The following KDM4C variants were observed in gnomAD, a reference collection of about 807,000 sequenced individuals.
The protein encoded by KDM4C is lysine-specific demethylase 4C.
In KDM4C, 81 loss-of-function variants were observed where a neutral mutation model predicts 129.3. The ratio of observed to expected loss-of-function variants is 0.63; its 90% confidence interval spans 0.52 to 0.75. The LOEUF (loss-of-function observed/expected upper bound fraction) is 0.75, where lower values mean the gene tolerates loss of function less well. Among genes scored for constraint, KDM4C ranks in the 30% least tolerant of loss-of-function variants. KDM4C has a pLI of 0.00. For synonymous variants in KDM4C, 573 were observed against 456.1 expected (o/e 1.26, Z -3.26); for missense variants, 1,457 against 1,304.0 (o/e 1.12, Z -1.81).
chr9:7,020,913 C>T (rs1586965215), intron 15 of KDM4C, among the ~76,000 whole-genome samples: 2 of 141,726 alleles, frequency 1.4e-5, no homozygotes, highest in African/African-American at 2.6e-5. Flanking sequence ...ATTCATTTTC[C>T]TTTTTTTTTT....
intron 4 of KDM4C, among the ~76,000 whole-genome samples, chr9:6,832,091 C>T (rs1052295211): frequency 1.3e-5 from 2 of 152,094 alleles, no homozygotes; most frequent in South Asian, 4.1e-4. Context: ...GTAATCCCAG[C>T]ACTCTGGGAG....
At chr9:7,019,024 C>A (rs754107732) in intron 15 of KDM4C, among the ~76,000 whole-genome samples, 3 of 152,130 alleles carry the variant, frequency 2.0e-5, no homozygotes, top group Non-Finnish European at 4.4e-5. Flanking sequence ...GTGGATTCCA[C>A]TTGTTTTTTC....
At chr9:7,030,029 A>G (rs1483661133) in intron 15 of KDM4C, among the ~76,000 whole-genome samples, 1 of 152,176 alleles carries the variant, frequency 6.6e-6, no homozygotes, top group Non-Finnish European at 1.5e-5. Flanking sequence ...TATACCTATA[A>G]TCTAGATATT....
intron 4 of KDM4C, among the ~76,000 whole-genome samples, chr9:6,846,936 C>G (rs1837949367): frequency 6.6e-6 from 1 of 152,168 alleles, no homozygotes; most frequent in East Asian, 1.9e-4. Flanking sequence ...AGACTTGACG[C>G]TCAGAAAAGC....
At chr9:6,754,211 C>T (rs1346592779), upstream of KDM4C, among the ~76,000 whole-genome samples, 2 of 150,690 alleles carry the variant, frequency 1.3e-5, no homozygotes, top group Middle Eastern at 3.4e-3. Context: ...GTTTTCTTTT[C>T]TTTTTCTTTT....
chr9:6,916,977 G>A (rs924681743), intron 8 of KDM4C, among the ~76,000 whole-genome samples: 5 of 152,224 alleles, frequency 3.3e-5, no homozygotes, highest in African/African-American at 1.2e-4. Context: ...AAAGTTGAAT[G>A]AGGGAATCTG....
At chr9:6,795,916 C>T (rs374656224) in intron 2 of KDM4C, among the ~76,000 whole-genome samples, 18 of 152,096 alleles carry the variant, frequency 1.2e-4, no homozygotes, top group East Asian at 3.9e-4. Context: ...AAGTGGTCTG[C>T]CCGCTTTGGC....
At chr9:7,041,542 G>A (rs1295944603) in intron 15 of KDM4C, among the ~76,000 whole-genome samples, 1 of 105,516 alleles carries the variant, frequency 9.5e-6, no homozygotes, top group Non-Finnish European at 2.4e-5. Context: ...GATCATAAAT[G>A]ATTTTTTTTT....
chr9:6,963,902 C>A (rs190127178), intron 8 of KDM4C, among the ~76,000 whole-genome samples: 1 of 152,080 alleles, frequency 6.6e-6, no homozygotes, highest in African/African-American at 2.4e-5. Flanking sequence ...TTTAGCTATT[C>A]CTAGATTAAC....
chr9:7,158,607 T>G (rs140360589), intron 19 of KDM4C, among the ~76,000 whole-genome samples: 7,038 of 152,300 alleles, frequency 0.046, 239 homozygotes, highest in African/African-American at 0.087. Flanking sequence ...TACCCAGTAG[T>G]CATTCAGGAG....
intron 1 of KDM4C, among the ~76,000 whole-genome samples, chr9:6,730,174 A>AT (rs1817274029): frequency 6.6e-6 from 1 of 152,074 alleles, no homozygotes; most frequent in Admixed American, 6.6e-5. Flanking sequence ...GCCTTGCAGC[A>AT]TTTTGGCTTT....
At chr9:7,098,312 T>A (rs574673398) in intron 17 of KDM4C, among the ~76,000 whole-genome samples, 1 of 152,352 alleles carries the variant, frequency 6.6e-6, no homozygotes, top group African/African-American at 2.4e-5. Context: ...GCTACTTGAC[T>A]TTTCTTAGCT....
intron 17 of KDM4C, among the ~76,000 whole-genome samples, chr9:7,069,433 G>A (rs747219254): frequency 1.2e-4 from 18 of 152,136 alleles, no homozygotes; most frequent in Non-Finnish European, 2.5e-4. Flanking sequence ...GATTGCTTGA[G>A]CCTAGGAGCT....
intron 4 of KDM4C, among the ~76,000 whole-genome samples, chr9:6,844,250 A>G (rs2129944910): frequency 6.6e-6 from 1 of 152,214 alleles, no homozygotes; most frequent in African/African-American, 2.4e-5. Context: ...ATTTACAAAT[A>G]TCTTTTGTTT....
intron 5 of KDM4C, among the ~76,000 whole-genome samples, chr9:6,853,271 T>C (rs142323986): frequency 1.1e-3 from 167 of 152,150 alleles, no homozygotes; most frequent in African/African-American, 3.8e-3. Flanking sequence ...GCGGATCACT[T>C]GAGCCCAGGA....
intron 7 of KDM4C, among the ~76,000 whole-genome samples, chr9:6,889,259 G>T (rs372060647): frequency 2.0e-3 from 293 of 148,626 alleles, no homozygotes; most frequent in Middle Eastern, 3.4e-3. Context: ...GTGGGAGGGT[G>T]GGGGGGATTT....
chr9:7,099,825 C>T (rs1276195014), intron 17 of KDM4C, among the ~76,000 whole-genome samples: 2 of 152,202 alleles, frequency 1.3e-5, no homozygotes, highest in African/African-American at 2.4e-5. Context: ...TCCCTGGAGT[C>T]CAGTGCTCTC....
intron 12 of KDM4C, among the ~76,000 whole-genome samples, chr9:7,008,363 C>T (rs999810447): frequency 1.2e-4 from 19 of 152,200 alleles, no homozygotes; most frequent in African/African-American, 4.6e-4. Context: ...CATCCTTAGA[C>T]TCCAGACCAG....
intron 4 of KDM4C, among the ~76,000 whole-genome samples, chr9:6,822,567 A>G (rs543156586): frequency 3.2e-4 from 49 of 152,360 alleles, no homozygotes; most frequent in African/African-American, 1.1e-3. Context: ...AACAGTACAT[A>G]CACATAAGGA....
Sources: allele counts gnomAD v4.1 joint callset (sites outside exome capture counted in the v4.1 genomes callset), GRCh38; gene constraint gnomAD v4.1.1; transcripts MANE v1.5; gene names NCBI Gene and HGNC (gene_info 2026-07-23, HGNC 2026-07-21).